UBAC2: variants seen among roughly 807,000 people sequenced by gnomAD.
UBAC2 encodes the protein UBA domain containing 2, also known as ubiquitin-associated domain-containing protein 2.
A neutral mutation model predicts 44.0 loss-of-function variants in UBAC2; 26 were observed. The ratio of observed to expected loss-of-function variants is 0.59; its 90% CI spans 0.43 to 0.82. UBAC2 has a LOEUF of 0.82. Ranked by LOEUF, UBAC2 falls within the 40% of genes least tolerant of loss-of-function variation. The pLI is 0.00. For synonymous variants in UBAC2, 155 were observed against 154.3 expected, an observed-to-expected ratio of 1.00 and a Z score of -0.04; for missense variants, 329 against 419.4, an observed-to-expected ratio of 0.78 and a Z score of 1.88.
intron 4 of UBAC2, among the ~76,000 whole-genome samples, chr13:99,269,376 A>G (rs1468098255): frequency 6.6e-6 from 1 of 152,220 alleles, no homozygotes; most frequent in African/African-American, 2.4e-5. Context: ...GCAGCCTAGT[A>G]CTGGTACAGC....
rs1333859859 is a variant in UBAC2 at position 99,255,201 on chromosome 13, G to A, written c.389+10577G>A. On this transcript the variant is annotated intron_variant, in intron 4 of 8. Coordinates refer to ENST00000403766, the MANE Select transcript of UBAC2 (RefSeq NM_001144072.2). ...TCCTTATGGACTTCTCCTTGACTTT[G>A]GGTTTCAGCTTAGACGTCCTGCCGT... 3.1e-6 allele frequency: 5 copies of A among 1,613,936 alleles called. No homozygotes were observed. The African/African-American group carries it at 5.3e-5, about 17-fold the overall frequency.
chr13:99,248,173 T>C (rs2043412280), intron 4 of UBAC2, among the ~76,000 whole-genome samples: 1 of 152,124 alleles, frequency 6.6e-6, no homozygotes, highest in East Asian at 1.9e-4. Context: ...GCTGTCTATT[T>C]CCAACCCACA....
At chr13:99,255,485 T>C (rs1456666127) in intron 4 of UBAC2, 1 of 1,614,114 alleles carries the variant, frequency 6.2e-7, no homozygotes, top group Non-Finnish European at 8.5e-7. Context: ...TTAAGTTCTT[T>C]GGCGTACTTC....
chr13:99,361,711 C>A (rs577969108), intron 7 of UBAC2, among the ~76,000 whole-genome samples: 5 of 152,220 alleles, frequency 3.3e-5, no homozygotes, highest in Non-Finnish European at 7.3e-5. Flanking sequence ...TAAATGCCGA[C>A]AGCACCACCA....
intron 4 of UBAC2, among the ~76,000 whole-genome samples, chr13:99,263,919 A>G (rs2043704897): frequency 6.6e-6 from 1 of 152,228 alleles, no homozygotes; most frequent in Non-Finnish European, 1.5e-5. Context: ...CATTTGTATA[A>G]ATTTCAAAAA....
At chr13:99,322,458 TAGAA>T (rs138690866) in intron 6 of UBAC2, among the ~76,000 whole-genome samples, 304 of 152,342 alleles carry the variant, frequency 2.0e-3, no homozygotes, top group African/African-American at 7.0e-3. Context: ...ATGATTAAAA[TAGAA>T]AGAGCCTTCT....
chr13:99,207,863 C>T (rs2042890921), intron 1 of UBAC2, among the ~76,000 whole-genome samples: 1 of 152,190 alleles, frequency 6.6e-6, no homozygotes, highest in Non-Finnish European at 1.5e-5. Context: ...CCAACATTGA[C>T]TCCTGAGGCT....
chr13:99,343,483 C>T (rs35298349), intron 7 of UBAC2, among the ~76,000 whole-genome samples: 13,854 of 152,228 alleles, frequency 0.091, 722 homozygotes, highest in Middle Eastern at 0.13. Context: ...TCCCACCAGG[C>T]GCCTGTGAAG....
intron 1 of UBAC2, among the ~76,000 whole-genome samples, chr13:99,219,128 C>T (rs1391989281): frequency 2.0e-5 from 3 of 152,144 alleles, no homozygotes; most frequent in Non-Finnish European, 4.4e-5. Context: ...TAGGATATGG[C>T]GGCTCCTCCT....
intron 4 of UBAC2, among the ~76,000 whole-genome samples, chr13:99,281,057 G>C (rs889045348): frequency 6.6e-6 from 1 of 151,970 alleles, no homozygotes; most frequent in African/African-American, 2.4e-5. Flanking sequence ...GTGTTGGCGG[G>C]CACCTGTAAT....
chr13:99,349,882 G>A (rs199681759), intron 7 of UBAC2, among the ~76,000 whole-genome samples: 1 of 150,366 alleles, frequency 6.7e-6, no homozygotes, highest in South Asian at 2.1e-4. Context: ...CCACAAGAAG[G>A]TGGTGGAGCA....
chr13:99,208,680 T>C (rs1305369421), intron 1 of UBAC2, among the ~76,000 whole-genome samples: 1 of 152,234 alleles, frequency 6.6e-6, no homozygotes, highest in Non-Finnish European at 1.5e-5. Context: ...TCGGCTCCTC[T>C]CTGTCCCTCA....
intron 4 of UBAC2, among the ~76,000 whole-genome samples, chr13:99,287,584 AC>A (rs1190125747): frequency 7.3e-6 from 1 of 137,414 alleles, no homozygotes; most frequent in Non-Finnish European, 1.6e-5. Flanking sequence ...TTCTGCCTCC[AC>A]CCCATGTTGT....
chr13:99,264,964 G>T (rs997619442), intron 4 of UBAC2, among the ~76,000 whole-genome samples: 1 of 139,334 alleles, frequency 7.2e-6, no homozygotes, highest in African/African-American at 2.6e-5. Flanking sequence ...CTTTGCCATC[G>T]CTGTTTTTTT....
At chr13:99,232,358 G>A (rs1272047578) in intron 1 of UBAC2, among the ~76,000 whole-genome samples, 1 of 137,326 alleles carries the variant, frequency 7.3e-6, no homozygotes, top group East Asian at 2.2e-4. Context: ...ATTCTTTCAA[G>A]TAGCTTTTGA....
chr13:99,217,165 G>A (rs1320369576), intron 1 of UBAC2, among the ~76,000 whole-genome samples: 1 of 152,162 alleles, frequency 6.6e-6, no homozygotes, highest in African/African-American at 2.4e-5. Context: ...TTAGTGTTTG[G>A]GGTTTTAGTG....
rs141126049 is a variant in UBAC2, at chr13:99,362,251, T to G, written c.808-5536T>G. Among the ~76,000 whole-genome samples, 1,245 of 152,328 alleles carry G rather than the reference T, an allele frequency of 8.2e-3. 12 individuals carry two copies. The highest frequency in any genetic ancestry group is 0.057 in the South Asian group (274 of 4,828). ...GCTGCTTTTATAATGGTCTTTTATA[T>G]AATAGAACCACTTATTAATTTATTT... On this transcript the variant is annotated intron_variant, in intron 7 of 8. Coordinates refer to ENST00000403766, the MANE Select transcript of UBAC2 (RefSeq NM_001144072.2).
At chr13:99,216,741 G>A (rs866894579) in intron 1 of UBAC2, among the ~76,000 whole-genome samples, 6 of 152,234 alleles carry the variant, frequency 3.9e-5, no homozygotes, top group Non-Finnish European at 5.9e-5. Flanking sequence ...GGGCGGGAAC[G>A]TGGACAGGTG....
chr13:99,206,686 A>G (rs1350239010), intron 1 of UBAC2, among the ~76,000 whole-genome samples: 1 of 152,206 alleles, frequency 6.6e-6, no homozygotes, highest in African/African-American at 2.4e-5. Context: ...TATGGGGTCA[A>G]GTCTGGGCCC....
Sources: allele counts gnomAD v4.1 joint callset (sites outside exome capture counted in the v4.1 genomes callset), GRCh38; gene constraint gnomAD v4.1.1; transcripts MANE v1.5; gene names NCBI Gene and HGNC (gene_info 2026-07-23, HGNC 2026-07-21).